The following USP37 variants were observed in gnomAD, a reference collection of about 807,000 sequenced individuals.
The protein encoded by USP37 is ubiquitin carboxyl-terminal hydrolase 37.
A neutral mutation model predicts 124.0 loss-of-function variants in USP37; 27 were observed. The ratio of observed to expected loss-of-function variants is 0.22; its 90% CI spans 0.16 to 0.30. The LOEUF (loss-of-function observed/expected upper bound fraction) is 0.30, where lower values mean the gene tolerates loss of function less well. USP37 is among the 10% of genes least tolerant of loss of function. The pLI, the probability that USP37 is intolerant of heterozygous loss-of-function variation, is 1.00. For missense variants in USP37, 889 were observed against 1,140.4 expected (o/e 0.78, Z 3.17); for synonymous variants, 365 against 388.0 (o/e 0.94, Z 0.70).
intron 24 of USP37, 129 bp downstream of exon 24, chr2:218,456,963 G>A: frequency 1.1e-6 from 1 of 881,430 alleles, no homozygotes; most frequent in South Asian, 1.8e-5. Flanking sequence ...GAGTGAGACT[G>A]GATCTCAAAA....
At chr2:218,462,322 G>A (rs780894237) in intron 22 of USP37, among the ~76,000 whole-genome samples, 7 of 152,094 alleles carry the variant, frequency 4.6e-5, no homozygotes, top group Admixed American at 2.6e-4. Flanking sequence ...GGGCAACAGA[G>A]CATGACCCTG....
intron 13 of USP37, among the ~76,000 whole-genome samples, chr2:218,497,422 C>A (rs1460564029): frequency 6.6e-6 from 1 of 151,468 alleles, no homozygotes; most frequent in African/African-American, 2.4e-5. Flanking sequence ...GAGATGGAGT[C>A]TTGCTCTGTC....
chr2:218,542,333 A>G (rs1314160624), intron 8 of USP37, among the ~76,000 whole-genome samples: 1 of 152,220 alleles, frequency 6.6e-6, no homozygotes, highest in Admixed American at 6.5e-5. Flanking sequence ...CTAGTGTTTA[A>G]CAGACAGACT....
intron 21 of USP37, 138 bp downstream of exon 21, chr2:218,465,872 T>C (rs1448348957): frequency 4.3e-6 from 5 of 1,153,890 alleles, no homozygotes; most frequent in Non-Finnish European, 5.9e-6. Context: ...AAGTCTTTTT[T>C]TTCCCCAATG....
intron 8 of USP37, among the ~76,000 whole-genome samples, chr2:218,541,791 C>G (rs1383339123): frequency 6.6e-6 from 1 of 152,098 alleles, no homozygotes; most frequent in Non-Finnish European, 1.5e-5. Context: ...ATAAACGGTA[C>G]AAGCTAGGGG....
At chr2:218,522,621 A>G (rs1228071187) in intron 10 of USP37, among the ~76,000 whole-genome samples, 2 of 151,642 alleles carry the variant, frequency 1.3e-5, no homozygotes, top group African/African-American at 2.4e-5. Context: ...GGTTCCACAA[A>G]AAGTACTTTG....
chr2:218,455,077 G>A, intron 25 of USP37, 60 bp from the exon 26 acceptor site: 1 of 1,591,068 alleles, frequency 6.3e-7, no homozygotes, highest in Non-Finnish European at 8.6e-7. Flanking sequence ...CCAAAGAATA[G>A]GCAGGAGAAA....
chr2:218,534,592 T>A lies in USP37; in HGVS notation c.778+17A>T. The A allele has an allele frequency of 6.6e-7, 1 of 1,516,972 alleles. No homozygotes were observed. Among genetic ancestry groups the A allele is most frequent in the South Asian group, 1.3e-5 (1 of 77,088 alleles). 94.0% of individuals were successfully genotyped at this position (1,516,972 alleles called of 1,614,324 possible). ...TAATAAATGAGCACCTTATTTATTG[T>A]AAGATCAAACACTTACCTGATGTCC... On this transcript the variant is annotated intron_variant, in intron 9 of 25. Coordinates refer to ENST00000258399, the MANE Select transcript of USP37 (RefSeq NM_020935.3).
At chr2:218,558,454 A>G (rs776342186) in intron 4 of USP37, 44 bp downstream of exon 4, 8 of 1,565,478 alleles carry the variant, frequency 5.1e-6, no homozygotes, top group East Asian at 4.5e-5. Context: ...TATTTACTAA[A>G]TGATCTGCTT....
At chr2:218,540,009 C>CA (rs1282827343) in intron 8 of USP37, among the ~76,000 whole-genome samples, 33 of 150,642 alleles carry the variant, frequency 2.2e-4, no homozygotes, top group African/African-American at 5.6e-4. Context: ...GACTCCATCT[C>CA]AAAAAAAAAT....
At chr2:218,462,520 C>T (rs770773724) in intron 22 of USP37, among the ~76,000 whole-genome samples, 15 of 152,102 alleles carry the variant, frequency 9.9e-5, no homozygotes, top group African/African-American at 2.9e-4. Flanking sequence ...CCAAATGCTA[C>T]GACATGTGAA....
At chr2:218,536,097 T>C (rs79399657) in intron 8 of USP37, among the ~76,000 whole-genome samples, 3,954 of 151,892 alleles carry the variant, frequency 0.026, 82 homozygotes, top group East Asian at 0.11. Flanking sequence ...GCAATACTAT[T>C]TGCTAAGCAG....
intron 5 of USP37, among the ~76,000 whole-genome samples, chr2:218,551,798 C>T (rs1291151334): frequency 2.7e-5 from 4 of 145,946 alleles, no homozygotes; most frequent in Non-Finnish European, 6.1e-5. Flanking sequence ...TTTCTTGATT[C>T]TTTTTTTTTT....
intron 3 of USP37, among the ~76,000 whole-genome samples, chr2:218,560,010 A>G (rs1458574419): frequency 6.6e-6 from 1 of 152,080 alleles, no homozygotes; most frequent in Non-Finnish European, 1.5e-5. Context: ...AAAAAAACAC[A>G]AAAAACTTAA....
chr2:218,533,381 A>G (rs1480835495), intron 9 of USP37, among the ~76,000 whole-genome samples: 3 of 152,172 alleles, frequency 2.0e-5, no homozygotes, highest in Non-Finnish European at 2.9e-5. Context: ...AACCATTAGT[A>G]GTGTTACTTT....
At chr2:218,474,329 C>A (rs1690848289) in intron 20 of USP37, among the ~76,000 whole-genome samples, 1 of 152,124 alleles carries the variant, frequency 6.6e-6, no homozygotes, top group South Asian at 2.1e-4. Context: ...AAAATGCCAT[C>A]AACCCTGTTA....
intron 1 of USP37, among the ~76,000 whole-genome samples, chr2:218,566,093 T>C (rs1053331084): frequency 6.6e-6 from 1 of 152,180 alleles, no homozygotes; most frequent in East Asian, 1.9e-4. Flanking sequence ...AGAAATGATA[T>C]AAAGCAAGAT....
At chr2:218,504,250 T>C (rs57120427) in intron 11 of USP37, among the ~76,000 whole-genome samples, 7,368 of 152,262 alleles carry the variant, frequency 0.048, 508 homozygotes, top group African/African-American at 0.16. Flanking sequence ...GATTTCTTAT[T>C]GTTTCCATTA....
intron 14 of USP37, among the ~76,000 whole-genome samples, chr2:218,493,070 A>G (rs78402306): frequency 0.048 from 7,357 of 152,166 alleles, 506 homozygotes; most frequent in African/African-American, 0.16. Flanking sequence ...GAATTGCCTT[A>G]TATTAATTAA....
Sources: gnomAD v4.1 joint callset for allele counts (sites outside exome capture counted in the v4.1 genomes callset) on GRCh38, gnomAD v4.1.1 for gene constraint, MANE v1.5 for transcripts, NCBI Gene and HGNC (gene_info 2026-07-23, HGNC 2026-07-21) for gene names.